ACVRL1: variants seen among roughly 807,000 people sequenced by gnomAD.
The protein encoded by ACVRL1 is activin A receptor like type 1.
A neutral mutation model predicts 51.9 loss-of-function variants in ACVRL1; 20 were observed. That is an observed-to-expected ratio of 0.39 (90% CI 0.27 to 0.56). The LOEUF is 0.56. Ranked by LOEUF, ACVRL1 falls within the 20% of genes least tolerant of loss-of-function variation. The pLI, the probability that ACVRL1 is intolerant of heterozygous loss-of-function variation, is 0.67. For synonymous variants in ACVRL1, 288 were observed against 280.9 expected, an observed-to-expected ratio of 1.03 and a Z score of -0.25; for missense variants, 451 against 670.3, an observed-to-expected ratio of 0.67 and a Z score of 3.61.
Position 51,922,099 on chromosome 12 carries a change from C to A in ACVRL1, c.*1206C>A. ...GATGTCCTTTGAGGCTTCTTTAGCT[C>A]TAGTTCTCTGACACTTCAGCCTATA... On this transcript the variant is annotated 3_prime_UTR_variant, in exon 10 of 10. Transcript: ENST00000388922. 1 of 152,316 alleles carries A rather than the reference C, an allele frequency of 6.6e-6. No individual in the cohort carries two copies. 9.4% of individuals were successfully genotyped at this position (152,316 alleles called of 1,614,324 possible).
rs780669431 is a variant in ACVRL1 at position 51,914,092 on chromosome 12, C to T, written c.625+19C>T. 3.7e-5 allele frequency: 59 copies of T among 1,609,520 alleles called. No homozygotes were observed. The highest frequency in any genetic ancestry group is 2.0e-4 in the Admixed American group (12 of 59,370). On this transcript the variant is annotated intron_variant, in intron 5 of 9. Coordinates refer to ENST00000388922, the MANE Select transcript of ACVRL1 (RefSeq NM_000020.3). ...TGTGTGGGTGAGCAGTGGGTGAGCC[C>T]GGTGGATGAGGACCAAGGGCTCTCA...
chr12:51,908,219 T>C (rs866943174), intron 1 of ACVRL1, among the ~76,000 whole-genome samples: 1 of 152,120 alleles, frequency 6.6e-6, no homozygotes. Context: ...GCCACGACCT[T>C]CCTTCAGGAT....
At position 51,921,191 on chromosome 12, in the gene ACVRL1, A is replaced by G. The variant is rs1592228753; in HGVS notation, c.*298A>G. 2.4e-5 allele frequency: 10 copies of G among 418,380 alleles called. No homozygotes were observed. Among genetic ancestry groups the G allele is most frequent in the South Asian group, 2.1e-4 (10 of 48,036 alleles). 25.9% of individuals were successfully genotyped at this position (418,380 alleles called of 1,614,324 possible). A position where few individuals can be genotyped will look rare whatever the true frequency, so the allele number is the denominator to read the frequency against. On this transcript the variant is annotated 3_prime_UTR_variant, in exon 10 of 10. Transcript: ENST00000388922. ...CGGGACAGGATGCAAAAGAGGCTCC[A>G]GAGTCAGAGTGCCAAGCCAGGGAAT... is the stretch of plus-strand genomic sequence containing the variant.
chr12:51,908,764 T>C (rs904997608), intron 1 of ACVRL1, among the ~76,000 whole-genome samples: 2 of 152,204 alleles, frequency 1.3e-5, no homozygotes, highest in Non-Finnish European at 2.9e-5. Flanking sequence ...TTACATATGA[T>C]GGGAAGCCTA....
Position 51,907,993 on chromosome 12 carries a change from T to G in ACVRL1, c.-6+298T>G, listed in dbSNP as rs562926167. Among the ~76,000 whole-genome samples, 2 of 152,190 alleles carry G rather than the reference T, an allele frequency of 1.3e-5. No homozygotes were observed. Among genetic ancestry groups the G allele is most frequent in the South Asian group, 4.1e-4 (2 of 4,826 alleles). On this transcript the variant is annotated intron_variant, in intron 1 of 9. Transcript: ENST00000388922. The surrounding 1 kb of genome is among the most constrained non-coding windows in gnomAD (Gnocchi z 4.5). ...CCTACCCTCTTCATAAAATGGGCAG[T>G]GGGATTCCTGTCTTGCTCTACTCAC... is the stretch of plus-strand genomic sequence containing the variant.
At chr12:51,911,975 C>T (rs1320454895) in intron 1 of ACVRL1, among the ~76,000 whole-genome samples, 1 of 152,146 alleles carries the variant, frequency 6.6e-6, no homozygotes, top group Non-Finnish European at 1.5e-5. Context: ...CTGTTCCTGG[C>T]TTGGCAGGAC....
chr12:51,916,329 G>T (rs1940841737), intron 8 of ACVRL1, 96 bp downstream of exon 8: 2 of 1,384,620 alleles, frequency 1.4e-6, no homozygotes, highest in South Asian at 2.6e-5. Flanking sequence ...TGGGAGGTTT[G>T]CAGTCAGACC....
chr12:51,908,114 C>T (rs528754673), intron 1 of ACVRL1, among the ~76,000 whole-genome samples: 1 of 152,334 alleles, frequency 6.6e-6, no homozygotes, highest in South Asian at 2.1e-4. Context: ...CTCACCTTTC[C>T]CAGATCAGTC....
intron 2 of ACVRL1, 135 bp from the exon 3 acceptor site, chr12:51,912,964 T>C: frequency 7.6e-7 from 1 of 1,311,476 alleles, no homozygotes; most frequent in Non-Finnish European, 1.1e-6. Context: ...TGACTGAGGA[T>C]GAAAGTAAGA....
At chr12:51,911,511 A>G (rs1054093540) in intron 1 of ACVRL1, among the ~76,000 whole-genome samples, 4 of 152,088 alleles carry the variant, frequency 2.6e-5, no homozygotes, top group Admixed American at 2.0e-4. Flanking sequence ...GAGCTTGCAG[A>G]GAGGTTTCTC....
In ACVRL1 at chr12:51,915,324, G is replaced by C; in HGVS notation, c.872G>C (p.Arg291Thr). The change falls in exon 7 of 10, where the codon AGA (arginine) becomes ACA (threonine). Residue 291 changes from arginine to threonine, a missense_variant. Transcript: ENST00000388922. ...GGCTCCCTCTACGACTTTCTGCAGA[G>C]ACAGACGCTGGAGCCCCATCTGGCT... is the stretch of plus-strand genomic sequence containing the variant. ...EHGSLYDFLQ[R>T]QTLEPHLALR... 1 of 1,614,206 alleles carries C rather than the reference G, an allele frequency of 6.2e-7. No individual in the cohort carries two copies. Among genetic ancestry groups the C allele is most frequent in the Non-Finnish European group, 8.5e-7 (1 of 1,180,056 alleles).
intron 1 of ACVRL1, among the ~76,000 whole-genome samples, chr12:51,911,310 C>A (rs1940683300): frequency 6.6e-6 from 1 of 152,174 alleles, no homozygotes; most frequent in Non-Finnish European, 1.5e-5. Context: ...CAGAATTACT[C>A]CCCCTAACAC....
At position 51,910,585 on chromosome 12, in the gene ACVRL1, G is replaced by A. The variant is rs189930560; in HGVS notation, c.-5-1885G>A. Reference sequence around the variant, plus strand: ...GGACAGAGGATCCTAGAGGAATGCCGGATTTTAGCCTTATTGTTAGCCACT... The same window carrying A: ...GGACAGAGGATCCTAGAGGAATGCCAGATTTTAGCCTTATTGTTAGCCACT... On this transcript the variant is annotated intron_variant, in intron 1 of 9. Coordinates refer to ENST00000388922, the MANE Select transcript of ACVRL1 (RefSeq NM_000020.3). 2.5e-4 allele frequency among the ~76,000 whole-genome samples: 38 copies of A among 152,276 alleles called. 1 individual carries two copies. Among genetic ancestry groups the A allele is most frequent in the African/African-American group, 6.3e-4 (26 of 41,536 alleles).
At chr12:51,908,356 G>T (rs994620409) in intron 1 of ACVRL1, among the ~76,000 whole-genome samples, 4 of 152,226 alleles carry the variant, frequency 2.6e-5, no homozygotes, top group African/African-American at 9.6e-5. Flanking sequence ...AAGGACAGGG[G>T]CATAATGGAC....
chr12:51,907,633 G>A lies in ACVRL1; in HGVS notation c.-68G>A, dbSNP rs981666239. The A allele has an allele frequency of 6.6e-6, 1 of 152,094 alleles. No homozygotes were observed. Among genetic ancestry groups the A allele is most frequent in the Non-Finnish European group, 1.5e-5 (1 of 68,000 alleles). The allele number at this position is 152,094 out of a possible 1,614,324, so 9.4% of individuals were successfully genotyped here. A position where few individuals can be genotyped will look rare whatever the true frequency, so the allele number is the denominator to read the frequency against. On this transcript the variant is annotated 5_prime_UTR_variant, in exon 1 of 10. Coordinates refer to ENST00000388922, the MANE Select transcript of ACVRL1 (RefSeq NM_000020.3). This position sits in a 1 kb window ranked among gnomAD's most constrained non-coding sequence, Gnocchi z 4.5. ...GCGGTGCAACTGCGGCCGCGCGGTG[G>A]AGGGGAGGTGGCCCCGGTCCGCCGA...
Position 51,912,181 on chromosome 12 carries a change from C to T in ACVRL1, c.-5-289C>T. ...CCCTGCGGCTCTCCCAACCTGCCTG[C>T]AGTCTGAGCTCAGCAGCAGGAGTGC... On this transcript the variant is annotated intron_variant, in intron 1 of 9. Coordinates refer to ENST00000388922, the MANE Select transcript of ACVRL1 (RefSeq NM_000020.3). 3 of 597,214 alleles carry T rather than the reference C, an allele frequency of 5.0e-6. No homozygotes were observed. In the South Asian group the frequency reaches 6.1e-5, roughly 12 times the overall value. 37.0% of individuals were successfully genotyped at this position (597,214 alleles called of 1,614,324 possible).
Position 51,917,887 on chromosome 12 carries a change from G to A in ACVRL1, c.1247-1098G>A, listed in dbSNP as rs1040105159. ...CTCCATCAGCCCCACACGGACTCGC[G>A]GCGCATTATAAACACTGTAATCTGG... On this transcript the variant is annotated intron_variant, in intron 8 of 9. Coordinates refer to ENST00000388922, the MANE Select transcript of ACVRL1 (RefSeq NM_000020.3). The surrounding 1 kb of genome is among the most constrained non-coding windows in gnomAD (Gnocchi z 4.2). Among the ~76,000 whole-genome samples, 5 of 152,192 alleles carry A rather than the reference G, an allele frequency of 3.3e-5. No homozygotes were observed. Among genetic ancestry groups the A allele is most frequent in the African/African-American group, 9.6e-5 (4 of 41,454 alleles).
rs1940751617 is a variant in ACVRL1 at position 51,913,615 on chromosome 12, G to C, written c.370G>C (p.Gly124Arg). ...GTDGQLALIL[G>R]PVLALLALVA... ...AGATGGCCAGCTGGCCCTGATCCTG[G>C]GCCCCGTGCTGGCCTTGCTGGCCCT... is the stretch of plus-strand genomic sequence containing the variant. The change falls in exon 4 of 10, where the codon GGC becomes CGC. Residue 124 changes from glycine to arginine, a missense_variant. Transcript: ENST00000388922. The C allele has an allele frequency of 1.9e-6, 3 of 1,602,616 alleles. No individual in the cohort carries two copies. Among genetic ancestry groups the C allele is most frequent in the East Asian group, 4.5e-5 (2 of 44,860 alleles).
At chr12:51,915,771 G>A (rs1231434772) in intron 7 of ACVRL1, 12 of 643,458 alleles carry the variant, frequency 1.9e-5, no homozygotes, top group Admixed American at 3.0e-5. Flanking sequence ...CCAGCCTCCA[G>A]GTCTGCTCTG....
Sources: allele counts gnomAD v4.1 joint callset (sites outside exome capture counted in the v4.1 genomes callset), GRCh38; gene constraint gnomAD v4.1.1; non-coding constraint Gnocchi (gnomAD v3.1); transcripts MANE v1.5; gene names NCBI Gene and HGNC (gene_info 2026-07-23, HGNC 2026-07-21).